The following FSTL4 variants were observed in gnomAD, a reference collection of about 807,000 sequenced individuals.
FSTL4 encodes follistatin like 4, also known as follistatin-related protein 4.
Under a neutral mutation model 78.2 loss-of-function variants are expected in FSTL4, and 28 were observed. The observed-to-expected ratio is 0.36, with a 90% confidence interval of 0.27 to 0.49. The LOEUF is 0.49. Ranked by LOEUF, FSTL4 falls within the 20% of genes least tolerant of loss-of-function variation. FSTL4 has a pLI of 0.98. For missense variants in FSTL4, 922 were observed against 1,084.9 expected, an observed-to-expected ratio of 0.85 and a Z score of 2.11; for synonymous variants, 422 against 440.5, an observed-to-expected ratio of 0.96 and a Z score of 0.53.
At chr5:133,774,623 G>A in the FSTL4 span, among the ~76,000 whole-genome samples, 1 of 152,154 alleles carries the variant, frequency 6.6e-6, no homozygotes, top group Non-Finnish European at 1.5e-5. Flanking sequence ...TTGTTTGCTG[G>A]TTGAAACATA....
chr5:133,684,119 T>G, the FSTL4 span, among the ~76,000 whole-genome samples: 1 of 152,222 alleles, frequency 6.6e-6, no homozygotes, highest in South Asian at 2.1e-4. Flanking sequence ...AGAGAAGTGA[T>G]GCTACTGCTC....
At chr5:133,823,352 C>T in the FSTL4 span, among the ~76,000 whole-genome samples, 1 of 152,202 alleles carries the variant, frequency 6.6e-6, no homozygotes. Flanking sequence ...AGGACTTCAG[C>T]ACAGCCCCAA....
chr5:133,241,377 T>C (rs1751868656), intron 7 of FSTL4, among the ~76,000 whole-genome samples: 2 of 152,268 alleles, frequency 1.3e-5, no homozygotes, highest in South Asian at 2.1e-4. Flanking sequence ...AAAACTCAAA[T>C]AGGGAAGTTC....
At chr5:133,827,128 T>C in the FSTL4 span, among the ~76,000 whole-genome samples, 11 of 152,238 alleles carry the variant, frequency 7.2e-5, no homozygotes, top group Non-Finnish European at 1.5e-4. Context: ...TCACCTCTTA[T>C]GATACCGCAT....
chr5:133,820,414 G>A, the FSTL4 span, among the ~76,000 whole-genome samples: 2 of 152,096 alleles, frequency 1.3e-5, no homozygotes, highest in East Asian at 3.8e-4. Flanking sequence ...ATTCTTCCTG[G>A]TTACAACATT....
intron 2 of FSTL4, among the ~76,000 whole-genome samples, chr5:133,594,737 T>C (rs1044853641): frequency 8.5e-5 from 13 of 152,204 alleles, no homozygotes; most frequent in African/African-American, 3.1e-4. Flanking sequence ...ACATCTTTTC[T>C]ATAGAGACCA....
chr5:133,554,861 G>A (rs1350535492), intron 3 of FSTL4, among the ~76,000 whole-genome samples: 2 of 152,212 alleles, frequency 1.3e-5, no homozygotes, highest in Non-Finnish European at 2.9e-5. Flanking sequence ...ATCAAACCGC[G>A]CTGCTAGATT....
chr5:133,793,290 T>A, the FSTL4 span, among the ~76,000 whole-genome samples: 1 of 152,240 alleles, frequency 6.6e-6, no homozygotes, highest in Non-Finnish European at 1.5e-5. Context: ...ATACAACTGC[T>A]CTCAGTCTCT....
chr5:133,541,145 G>C (rs564418048), intron 3 of FSTL4, among the ~76,000 whole-genome samples: 4 of 152,312 alleles, frequency 2.6e-5, no homozygotes, highest in Non-Finnish European at 5.9e-5. Context: ...ACAAAACGTA[G>C]TGACTTAAAA....
chr5:133,329,964 T>C (rs984632295), intron 4 of FSTL4, among the ~76,000 whole-genome samples: 2 of 152,244 alleles, frequency 1.3e-5, no homozygotes, highest in African/African-American at 4.8e-5. Flanking sequence ...GCACCTCTGC[T>C]GTCAATTGTA....
chr5:133,503,453 C>T (rs1201289599), intron 3 of FSTL4, among the ~76,000 whole-genome samples: 2 of 152,258 alleles, frequency 1.3e-5, no homozygotes, highest in South Asian at 2.1e-4. Flanking sequence ...GGCACACCAC[C>T]GGGATCATAA....
At chr5:133,359,534 G>T (rs745688852) in intron 4 of FSTL4, among the ~76,000 whole-genome samples, 1 of 152,184 alleles carries the variant, frequency 6.6e-6, no homozygotes, top group Non-Finnish European at 1.5e-5. Context: ...GGGCAGTGAT[G>T]GGGGGACTGA....
At chr5:133,551,589 A>G (rs1223647743) in intron 3 of FSTL4, among the ~76,000 whole-genome samples, 1 of 152,216 alleles carries the variant, frequency 6.6e-6, no homozygotes, top group Non-Finnish European at 1.5e-5. Context: ...ATCTCTCATT[A>G]AAGTCTAAAT....
At chr5:133,691,694 G>T in the FSTL4 span, among the ~76,000 whole-genome samples, 1 of 151,930 alleles carries the variant, frequency 6.6e-6, no homozygotes, top group Non-Finnish European at 1.5e-5. Flanking sequence ...GGGTTACCTG[G>T]CCTCCACACT....
At chr5:133,375,313 A>G (rs182825915) in intron 4 of FSTL4, among the ~76,000 whole-genome samples, 389 of 30,890 alleles carry the variant, frequency 0.013, 6 homozygotes, top group African/African-American at 0.026. Context: ...TATATATATA[A>G]AAGACTCTAA....
chr5:133,510,698 A>C (rs1758712056), intron 3 of FSTL4, among the ~76,000 whole-genome samples: 1 of 152,118 alleles, frequency 6.6e-6, no homozygotes, highest in African/African-American at 2.4e-5. Flanking sequence ...AATGTAGTGT[A>C]AATGTTACTG....
chr5:133,511,552 G>C (rs967586801), intron 3 of FSTL4, among the ~76,000 whole-genome samples: 1 of 152,178 alleles, frequency 6.6e-6, no homozygotes, highest in Non-Finnish European at 1.5e-5. Context: ...TGACCCAAAG[G>C]CTGCAACTCC....
At chr5:133,475,682 CTAGA>C (rs1757912995) in intron 3 of FSTL4, among the ~76,000 whole-genome samples, 1 of 152,178 alleles carries the variant, frequency 6.6e-6, no homozygotes, top group Non-Finnish European at 1.5e-5. Flanking sequence ...TTTATTTCCT[CTAGA>C]TAAAGAATAA....
Position 133,199,131 on chromosome 5 carries a change from C to A in FSTL4, c.2493G>T (p.Lys831Asn), listed in dbSNP as rs747004645. 3.8e-6 allele frequency: 6 copies of A among 1,574,626 alleles called. No homozygotes were observed. In the African/African-American group the frequency reaches 4.0e-5, roughly 11 times the overall value. Residue 831 changes from lysine to asparagine, a missense_variant, in exon 16 of 16, where the codon AAG becomes AAT. Coordinates refer to ENST00000265342, the MANE Select transcript of FSTL4 (RefSeq NM_015082.2). The surrounding 1 kb of genome is among the most constrained non-coding windows in gnomAD (Gnocchi z 4.4). ...CCACCCACACCACTGTGGTCCCCCC[C>A]TTTATACCTGACACCTCACACCGCA... The part of the protein sequence containing the change: ...NTLRCEVSGI[K>N]GGTTVVWVGE...
Sources: allele counts gnomAD v4.1 joint callset (sites outside exome capture counted in the v4.1 genomes callset), GRCh38; gene constraint gnomAD v4.1.1; non-coding constraint Gnocchi (gnomAD v3.1); transcripts MANE v1.5; gene names NCBI Gene and HGNC (gene_info 2026-07-23, HGNC 2026-07-21).